The following VPS16 variants were observed in gnomAD, a reference collection of about 807,000 sequenced individuals.
VPS16 encodes vacuolar protein sorting-associated protein 16 homolog.
Under a neutral mutation model 116.0 loss-of-function variants are expected in VPS16, and 82 were observed. The observed-to-expected ratio is 0.71, with a 90% CI of 0.59 to 0.85. The LOEUF (loss-of-function observed/expected upper bound fraction) is 0.85, where lower values mean the gene tolerates loss of function less well. VPS16 is among the 40% of genes least tolerant of loss of function. The pLI is 0.00. For synonymous variants in VPS16, 406 were observed against 420.7 expected, an observed-to-expected ratio of 0.96 and a Z score of 0.43; for missense variants, 928 against 1,090.6, an observed-to-expected ratio of 0.85 and a Z score of 2.10.
chr20:2,861,636 G>T lies in VPS16; in HGVS notation c.831G>T (p.Lys277Asn). ...QMVWCSRPRS[K>N]ERAVVVAWER... ...ACAGGTGCAGCCGTCCTCGTAGCAA[G>T]GAGAGGGCCGTGGTGGTGGCCTGGG... is the stretch of plus-strand genomic sequence containing the variant. Residue 277 changes from lysine (K) to asparagine (N), a missense_variant, in exon 9 of 24, where the codon AAG (lysine) becomes AAT (asparagine). Physicochemically the swap from Lys to Asn is moderately conservative, Grantham distance 94. Coordinates refer to ENST00000380445, the MANE Select transcript of VPS16 (RefSeq NM_022575.4). 1 of 1,612,664 alleles carries T rather than the reference G, an allele frequency of 6.2e-7. No homozygotes were observed. The highest frequency in any genetic ancestry group is 8.5e-7 in the Non-Finnish European group (1 of 1,179,716).
chr20:2,844,365 T>C (rs2089038399), intron 1 of VPS16, among the ~76,000 whole-genome samples: 1 of 152,236 alleles, frequency 6.6e-6, no homozygotes. Context: ...AGTAGTATTC[T>C]GGAGAACCCA....
At chr20:2,850,318 C>G (rs1266520565) in intron 1 of VPS16, among the ~76,000 whole-genome samples, 2 of 148,218 alleles carry the variant, frequency 1.3e-5, no homozygotes, top group African/African-American at 5.0e-5. Flanking sequence ...GAGCGAAACT[C>G]TGTCTCAAAA....
At chr20:2,855,180 C>G (rs2089161328) in intron 1 of VPS16, among the ~76,000 whole-genome samples, 1 of 151,818 alleles carries the variant, frequency 6.6e-6, no homozygotes, top group Non-Finnish European at 1.5e-5. Context: ...AGGCTGGTCT[C>G]AACTCCTGAC....
chr20:2,849,939 A>AG (rs1306814012), intron 1 of VPS16, among the ~76,000 whole-genome samples: 1 of 152,202 alleles, frequency 6.6e-6, no homozygotes, highest in Non-Finnish European at 1.5e-5. Context: ...TCCCATCTTT[A>AG]GGGGGTCTAT....
rs752310195 is a variant in VPS16 at position 2,866,324 on chromosome 20, A to C, written c.2375+9A>C. ...GCTTTGCTTCTTGTTGGGTGCGTCA[A>C]CTGAGGGCCTGTGGGTGCTGGGTGG... is the stretch of plus-strand genomic sequence containing the variant. On this transcript the variant is annotated intron_variant, in intron 23 of 23. Transcript: ENST00000380445. 1.2e-5 allele frequency: 19 copies of C among 1,614,016 alleles called. No individual in the cohort carries two copies. The East Asian group carries it at 4.2e-4, about 36-fold the overall frequency.
chr20:2,852,593 A>G (rs189522964), intron 1 of VPS16, among the ~76,000 whole-genome samples: 41 of 152,362 alleles, frequency 2.7e-4, no homozygotes, highest in Admixed American at 2.6e-3. Flanking sequence ...CAACAATATA[A>G]TGAATATTGC....
intron 1 of VPS16, among the ~76,000 whole-genome samples, chr20:2,848,624 C>T (rs2089085901): frequency 6.6e-6 from 1 of 152,198 alleles, no homozygotes; most frequent in South Asian, 2.1e-4. Context: ...AAATTTAGGT[C>T]AGCTGCTTGT....
In VPS16 at chr20:2,866,140, C is replaced by T. The variant is rs556098262; in HGVS notation, c.2272-72C>T. The stretch of plus-strand genomic sequence containing the variant: ...TATATGGACGATGTATGCATTGCGC[C>T]TCTGCTCGTAAGAGAGAGGACAGGA... On this transcript the variant is annotated intron_variant, in intron 22 of 23. Transcript: ENST00000380445. The T allele has an allele frequency of 6.3e-4, 874 of 1,390,506 alleles. 11 individuals are homozygous for T. In the South Asian group the frequency reaches 9.9e-3, roughly 16 times the overall value. 86.1% of individuals were successfully genotyped at this position (1,390,506 alleles called of 1,614,324 possible). A position where few individuals can be genotyped will look rare whatever the true frequency, so the allele number is the denominator to read the frequency against.
intron 8 of VPS16, 146 bp from the exon 9 acceptor site, chr20:2,861,469 C>T (rs1210858639): frequency 1.3e-5 from 17 of 1,340,278 alleles, no homozygotes; most frequent in Admixed American, 2.1e-5. Context: ...GCTGAGAGCT[C>T]AGGGATAAGA....
At chr20:2,851,399 G>A (rs2089119458) in intron 1 of VPS16, among the ~76,000 whole-genome samples, 2 of 152,108 alleles carry the variant, frequency 1.3e-5, no homozygotes, top group Non-Finnish European at 2.9e-5. Context: ...ACCTGAGGTT[G>A]GGGGTTCGAG....
intron 1 of VPS16, among the ~76,000 whole-genome samples, chr20:2,844,262 G>GC (rs2089037197): frequency 6.6e-6 from 1 of 152,204 alleles, no homozygotes; most frequent in African/African-American, 2.4e-5. Flanking sequence ...GGCAGGACTT[G>GC]ATACATGTCT....
intron 1 of VPS16, among the ~76,000 whole-genome samples, chr20:2,859,261 C>T (rs1049787822): frequency 1.5e-4 from 23 of 152,156 alleles, no homozygotes; most frequent in African/African-American, 5.6e-4. Flanking sequence ...TGCACCTCAG[C>T]CTGGGCAACA....
At chr20:2,854,265 A>ACACACACACACACACACACACACACACAC (rs375390884) in intron 1 of VPS16, among the ~76,000 whole-genome samples, 1 of 148,896 alleles carries the variant, frequency 6.7e-6, no homozygotes, top group Non-Finnish European at 1.5e-5. Context: ...ACACACACAC[A>ACACACACACACACACACACACACACACAC]AATTTTTTAG....
rs760195510 is a variant in VPS16, at chr20:2,863,986, GAGCCATTAACCAGAAGC to G, written c.1515_1531del (p.Ala506GlyfsTer31). On this transcript the variant is annotated frameshift_variant, in exon 16 of 24. Transcript: ENST00000380445. LOFTEE classifies it high-confidence loss of function. The surrounding 1 kb of genome is among the most constrained non-coding windows in gnomAD (Gnocchi z 4.4). The stretch of plus-strand genomic sequence containing the variant: ...GATGTCTCAGATGAGGATGTGGCTC[GAGCCATTAACCAGAAGC>G]TGGGGGACACGCCTGGTGTCTCTTA... The G allele has an allele frequency of 6.2e-7, 1 of 1,611,780 alleles. No individual in the cohort carries two copies. Among genetic ancestry groups the G allele is most frequent in the Non-Finnish European group, 8.5e-7 (1 of 1,179,450 alleles).
chr20:2,860,365 A>G lies in VPS16; in HGVS notation c.367A>G (p.Asn123Asp). 3 of 1,614,042 alleles carry G rather than the reference A, an allele frequency of 1.9e-6. No individual in the cohort carries two copies. The highest frequency in any genetic ancestry group is 2.5e-6 in the Non-Finnish European group (3 of 1,179,992). Residue 123 changes from asparagine to aspartate, a missense_variant and splice_region_variant, in exon 4 of 24, where the codon AAT becomes GAT. By Grantham distance (23) the Asn-to-Asp change is conservative. Coordinates refer to ENST00000380445, the MANE Select transcript of VPS16 (RefSeq NM_022575.4). The surrounding 1 kb of genome is among the most constrained non-coding windows in gnomAD (Gnocchi z 6.1). ...GDFRRHFSMGNEVLQNRVLDA... is the reference protein window; with the variant it reads ...GDFRRHFSMGDEVLQNRVLDA... ...CTTCCGGAGACACTTCAGCATGGGC[A>G]ATGTAGGGGTCACAGAGGGCTGGGG... is the stretch of plus-strand genomic sequence containing the variant.
chr20:2,855,429 G>A (rs2089163707), intron 1 of VPS16, among the ~76,000 whole-genome samples: 1 of 151,956 alleles, frequency 6.6e-6, no homozygotes, highest in Admixed American at 6.6e-5. Context: ...AATTCTTAAG[G>A]GTCCTAGGAT....
At chr20:2,849,615 TG>T (rs140754866) in intron 1 of VPS16, among the ~76,000 whole-genome samples, 4 of 151,068 alleles carry the variant, frequency 2.6e-5, no homozygotes, top group South Asian at 2.1e-4. Context: ...AGATTTTTTT[TG>T]GGGGGGGTGG....
Position 2,866,720 on chromosome 20 carries a change from TTGG to T in VPS16, c.*147_*149del. On this transcript the variant is annotated 3_prime_UTR_variant, in exon 24 of 24. Transcript: ENST00000380445. ...CAGGGCTGTCTGGTTTTAAATAAAGTTGGAACACTTCACAGTGCTTGTCTTACA... is the reference window on the plus strand; with the variant it reads ...CAGGGCTGTCTGGTTTTAAATAAAGTAACACTTCACAGTGCTTGTCTTACA... 1 of 1,230,146 alleles carries T rather than the reference TTGG, an allele frequency of 8.1e-7. No homozygotes were observed. The highest frequency in any genetic ancestry group is 1.1e-6 in the Non-Finnish European group (1 of 889,722). The allele number at this position is 1,230,146 out of a possible 1,614,324, so 76.2% of individuals were successfully genotyped here.
intron 1 of VPS16, among the ~76,000 whole-genome samples, chr20:2,849,999 T>C (rs1455854873): frequency 6.6e-6 from 1 of 152,192 alleles, no homozygotes; most frequent in Admixed American, 6.5e-5. Context: ...CTGGGTCCAG[T>C]CAGAAGACTT....
Sources: gnomAD v4.1 joint callset for allele counts (sites outside exome capture counted in the v4.1 genomes callset) on GRCh38, gnomAD v4.1.1 for gene constraint, Gnocchi (gnomAD v3.1) non-coding constraint, MANE v1.5 for transcripts, NCBI Gene and HGNC (gene_info 2026-07-23, HGNC 2026-07-21) for gene names.